The following KCNN3 variants were observed in gnomAD, a reference collection of about 807,000 sequenced individuals.
KCNN3 encodes the protein potassium calcium-activated channel subfamily N member 3.
In KCNN3, 16 loss-of-function variants were observed where a neutral mutation model predicts 62.9. The observed-to-expected ratio is 0.25, with a 90% confidence interval of 0.17 to 0.39. The LOEUF is 0.39. Ranked by LOEUF, KCNN3 falls within the 10% of genes least tolerant of loss-of-function variation. KCNN3 has a pLI of 1.00. For missense variants in KCNN3, 599 were observed against 949.4 expected (o/e 0.63, Z 4.85); for synonymous variants, 370 against 389.2 (o/e 0.95, Z 0.58).
rs138818522 is a variant in KCNN3 at position 154,725,143 on chromosome 1, C to T, written c.1701+773G>A. On this transcript the variant is annotated intron_variant, in intron 5 of 7. Transcript: ENST00000271915. ...TGCTGGGATTACAGGCGTGAGCCGC[C>T]GCTCCCAGCATAGAATGATTCTTTA... 1.0e-3 allele frequency among the ~76,000 whole-genome samples: 152 copies of T among 152,170 alleles called. 4 individuals carry two copies. Among genetic ancestry groups the T allele is most frequent in the African/African-American group, 3.5e-3 (147 of 41,522 alleles).
chr1:154,847,032 C>A (rs1652093117), intron 1 of KCNN3, among the ~76,000 whole-genome samples: 1 of 152,020 alleles, frequency 6.6e-6, no homozygotes, highest in Admixed American at 6.5e-5. Context: ...CTCCGCCTGA[C>A]CCCTCACCCC....
At chr1:154,715,414 C>T (rs1415894028) in intron 5 of KCNN3, among the ~76,000 whole-genome samples, 1 of 81,430 alleles carries the variant, frequency 1.2e-5, no homozygotes, top group Non-Finnish European at 2.2e-5. Flanking sequence ...GCCTTGGCAA[C>T]AAGAGTGAAA....
intron 3 of KCNN3, among the ~76,000 whole-genome samples, chr1:154,735,987 G>A (rs1299790680): frequency 3.3e-5 from 5 of 152,192 alleles, no homozygotes; most frequent in Admixed American, 6.5e-5. Context: ...CAGTTCTTCC[G>A]AAAAACATTT....
intron 4 of KCNN3, 38 bp downstream of exon 4, chr1:154,732,965 A>G (rs1269606003): frequency 1.2e-6 from 2 of 1,613,250 alleles, no homozygotes; most frequent in South Asian, 1.1e-5. Context: ...TCTTTGCCAC[A>G]TTTTAAGGGT....
At chr1:154,769,033 A>G (rs1648427923) in intron 3 of KCNN3, among the ~76,000 whole-genome samples, 1 of 152,010 alleles carries the variant, frequency 6.6e-6, no homozygotes. Flanking sequence ...CTCCACGCTT[A>G]TTATTAATAG....
chr1:154,735,750 A>G (rs1571223763), intron 3 of KCNN3, among the ~76,000 whole-genome samples: 2 of 152,304 alleles, frequency 1.3e-5, no homozygotes, highest in East Asian at 3.9e-4. Context: ...CCTCAGGTCA[A>G]TGCAACCCCT....
intron 1 of KCNN3, among the ~76,000 whole-genome samples, chr1:154,858,963 G>C (rs150003805): frequency 6.6e-6 from 1 of 152,160 alleles, no homozygotes; most frequent in African/African-American, 2.4e-5. Context: ...GCCCACCCAG[G>C]CTAGCACACC....
At chr1:154,828,669 G>A (rs1328209440) in intron 1 of KCNN3, among the ~76,000 whole-genome samples, 1 of 152,172 alleles carries the variant, frequency 6.6e-6, no homozygotes, top group Non-Finnish European at 1.5e-5. Flanking sequence ...TCTCACAGCT[G>A]TTAGGGGATG....
chr1:154,796,875 T>A (rs1465067578), intron 2 of KCNN3, among the ~76,000 whole-genome samples: 2 of 152,226 alleles, frequency 1.3e-5, no homozygotes, highest in Non-Finnish European at 2.9e-5. Flanking sequence ...ATGAAAGGGT[T>A]TTCCAAATGA....
intron 2 of KCNN3, among the ~76,000 whole-genome samples, chr1:154,779,850 T>C (rs1326618871): frequency 2.0e-5 from 3 of 152,250 alleles, no homozygotes; most frequent in Admixed American, 6.5e-5. Context: ...TCAGAAGCCC[T>C]TGGCTTTCAG....
intron 3 of KCNN3, among the ~76,000 whole-genome samples, chr1:154,766,416 T>TTAAATATATATATATACATATATATATA (rs1553231995): frequency 1.4e-5 from 1 of 71,812 alleles, no homozygotes; most frequent in African/African-American, 5.1e-5. Flanking sequence ...TAGCCAGGCT[T>TTAAATATATATATATACATATATATATA]TATATATATA....
chr1:154,830,036 T>C (rs2101901571), intron 1 of KCNN3, among the ~76,000 whole-genome samples: 1 of 152,328 alleles, frequency 6.6e-6, no homozygotes, highest in South Asian at 2.1e-4. Context: ...AACACTGGTC[T>C]GGCACATAGT....
At chr1:154,757,823 A>G (rs1647800977) in intron 3 of KCNN3, among the ~76,000 whole-genome samples, 1 of 152,192 alleles carries the variant, frequency 6.6e-6, no homozygotes, top group Non-Finnish European at 1.5e-5. Context: ...AGCAGAGAAG[A>G]TTCAACCTGA....
chr1:154,753,792 C>A (rs1208666211), intron 3 of KCNN3, among the ~76,000 whole-genome samples: 1 of 152,176 alleles, frequency 6.6e-6, no homozygotes, highest in Non-Finnish European at 1.5e-5. Flanking sequence ...CTTCCTAATC[C>A]CCTGGGAAGC....
intron 5 of KCNN3, among the ~76,000 whole-genome samples, chr1:154,718,350 T>A (rs998428823): frequency 6.6e-6 from 1 of 152,202 alleles, no homozygotes; most frequent in Non-Finnish European, 1.5e-5. Flanking sequence ...GCTCTAAGAT[T>A]AATGGGCCTG....
chr1:154,828,847 A>G (rs528525256), intron 1 of KCNN3, among the ~76,000 whole-genome samples: 8 of 152,336 alleles, frequency 5.3e-5, no homozygotes, highest in African/African-American at 1.9e-4. Context: ...TCAGCATTTT[A>G]TGGCTGCAAT....
intron 3 of KCNN3, among the ~76,000 whole-genome samples, chr1:154,747,482 T>G (rs1229212954): frequency 6.6e-6 from 1 of 152,156 alleles, no homozygotes; most frequent in Admixed American, 6.5e-5. Context: ...GTTGAAGGAT[T>G]GACATTTGTG....
At chr1:154,786,306 T>C (rs1400262886) in intron 2 of KCNN3, among the ~76,000 whole-genome samples, 2 of 152,234 alleles carry the variant, frequency 1.3e-5, no homozygotes, top group Non-Finnish European at 2.9e-5. Flanking sequence ...AAGAGTCTTT[T>C]GTAACATATG....
At chr1:154,727,807 CA>C (rs1700502263) in intron 4 of KCNN3, among the ~76,000 whole-genome samples, 2 of 152,184 alleles carry the variant, frequency 1.3e-5, no homozygotes, top group African/African-American at 4.8e-5. Flanking sequence ...TAAAAGAAGC[CA>C]TCCTAGAGGG....
Sources: allele counts gnomAD v4.1 joint callset (sites outside exome capture counted in the v4.1 genomes callset), GRCh38; gene constraint gnomAD v4.1.1; transcripts MANE v1.5; gene names NCBI Gene and HGNC (gene_info 2026-07-23, HGNC 2026-07-21).